The following HDAC9 variants were observed in gnomAD, a reference collection of about 807,000 sequenced individuals.
The protein encoded by HDAC9 is MEF-2 interacting transcription repressor (MITR) protein.
HDAC9 carries 41 observed loss-of-function variants against 139.4 expected under a neutral mutation model. The ratio of observed to expected loss-of-function variants is 0.29; its 90% CI spans 0.23 to 0.38. The LOEUF (loss-of-function observed/expected upper bound fraction) is 0.38, where lower values mean the gene tolerates loss of function less well. HDAC9 is among the 10% of genes least tolerant of loss of function. The probability of loss-of-function intolerance (pLI) is 1.00; values close to 1 mark genes in which losing one functional copy is unlikely to be tolerated. For synonymous variants in HDAC9, 517 were observed against 476.2 expected (o/e 1.09, Z -1.12); for missense variants, 1,147 against 1,297.0 (o/e 0.88, Z 1.78).
At chr7:18,144,272 G>C (rs78636754) in intron 1 of HDAC9, among the ~76,000 whole-genome samples, 1 of 152,158 alleles carries the variant, frequency 6.6e-6, no homozygotes, top group Non-Finnish European at 1.5e-5. Flanking sequence ...TCTTCCCACA[G>C]TTCATGGAAA....
chr7:18,946,036 C>CAAAAT (rs1563077235), intron 23 of HDAC9, among the ~76,000 whole-genome samples: 10 of 38,276 alleles, frequency 2.6e-4, no homozygotes, highest in South Asian at 1.9e-3. Context: ...GACTCCGTCT[C>CAAAAT]AAAAAAAAAA....
chr7:18,449,342 T>TA (rs1326743479), intron 1 of HDAC9, among the ~76,000 whole-genome samples: 1 of 152,156 alleles, frequency 6.6e-6, no homozygotes, highest in Non-Finnish European at 1.5e-5. Context: ...CTTACAAATA[T>TA]AATACTGAAA....
chr7:18,413,814 A>T (rs144675057), intron 1 of HDAC9, among the ~76,000 whole-genome samples: 45 of 152,136 alleles, frequency 3.0e-4, no homozygotes, highest in Non-Finnish European at 5.1e-4. Context: ...TTGCTGCCTA[A>T]AACTAAAGAT....
At chr7:18,947,572 A>T (rs1782492643) in intron 23 of HDAC9, among the ~76,000 whole-genome samples, 1 of 152,016 alleles carries the variant, frequency 6.6e-6, no homozygotes, top group African/African-American at 2.4e-5. Flanking sequence ...AGCAAATGTG[A>T]GTGGTTCTTT....
chr7:18,157,469 C>T (rs1041478222), intron 1 of HDAC9, among the ~76,000 whole-genome samples: 4 of 152,148 alleles, frequency 2.6e-5, no homozygotes, highest in African/African-American at 9.7e-5. Context: ...TTTATTTATA[C>T]ATTCCCTGGA....
intron 2 of HDAC9, among the ~76,000 whole-genome samples, chr7:18,239,503 C>T (rs896257407): frequency 2.0e-5 from 3 of 152,176 alleles, no homozygotes; most frequent in Admixed American, 6.5e-5. Context: ...TTTGTGAAAA[C>T]TTTGGGCTGC....
intron 1 of HDAC9, among the ~76,000 whole-genome samples, chr7:18,154,317 G>T (rs535656340): frequency 7.0e-4 from 106 of 152,092 alleles, no homozygotes; most frequent in African/African-American, 2.5e-3. Context: ...GAAAGAAAAA[G>T]AATGAAAAAA....
At position 18,719,331 on chromosome 7, in the gene HDAC9, C is replaced by CTTTTTTTTTTTTTT. The variant is rs757689693; in HGVS notation, c.1732-8236_1732-8223dup. On this transcript the variant is annotated intron_variant, in intron 12 of 25. Transcript: ENST00000686413. Reference sequence around the variant, plus strand: ...CTAATTAACCTATTTTTTTCTCTTCCTTTTTTTTTTTTTTTTTTTTTTTTT... The same window carrying CTTTTTTTTTTTTTT: ...CTAATTAACCTATTTTTTTCTCTTCCTTTTTTTTTTTTTTTTTTTTTTTTTTTTTTTTTTTTTTT... Among the ~76,000 whole-genome samples, 69 of 73,906 alleles carry CTTTTTTTTTTTTTT rather than the reference C, an allele frequency of 9.3e-4. 1 individual carries two copies. Among genetic ancestry groups the CTTTTTTTTTTTTTT allele is most frequent in the African/African-American group, 1.8e-3 (28 of 15,204 alleles). 48.5% of individuals were successfully genotyped at this position (73,906 alleles called of 152,430 possible). A position where few individuals can be genotyped will look rare whatever the true frequency, so the allele number is the denominator to read the frequency against.
intron 1 of HDAC9, among the ~76,000 whole-genome samples, chr7:18,445,400 A>G (rs939945580): frequency 6.6e-6 from 1 of 152,200 alleles, no homozygotes; most frequent in Non-Finnish European, 1.5e-5. Context: ...GTGTTAATCA[A>G]CTTGACATAT....
At chr7:18,188,526 G>T (rs1790086581) in intron 2 of HDAC9, among the ~76,000 whole-genome samples, 1 of 152,144 alleles carries the variant, frequency 6.6e-6, no homozygotes, top group Non-Finnish European at 1.5e-5. Flanking sequence ...AAGAGCTTCT[G>T]CACAGCAAAA....
chr7:18,130,606 A>G (rs1286515651), intron 1 of HDAC9, among the ~76,000 whole-genome samples: 2 of 152,168 alleles, frequency 1.3e-5, no homozygotes, highest in Non-Finnish European at 2.9e-5. Flanking sequence ...CATCACTACA[A>G]TCAATTTTAG....
At chr7:18,643,712 G>A (rs548896305) in intron 8 of HDAC9, among the ~76,000 whole-genome samples, 3 of 152,016 alleles carry the variant, frequency 2.0e-5, no homozygotes, top group Non-Finnish European at 4.4e-5. Context: ...GTCAAAGCCC[G>A]TGTGTGCAAT....
intron 2 of HDAC9, among the ~76,000 whole-genome samples, chr7:18,281,780 T>G (rs1000715546): frequency 6.6e-6 from 1 of 152,202 alleles, no homozygotes; most frequent in African/African-American, 2.4e-5. Flanking sequence ...AAAATAACAT[T>G]TCAAGGTTAG....
chr7:18,195,225 G>T (rs570516625), intron 2 of HDAC9, among the ~76,000 whole-genome samples: 1 of 151,932 alleles, frequency 6.6e-6, no homozygotes, highest in Non-Finnish European at 1.5e-5. Flanking sequence ...AAAACCTAAG[G>T]TTCCCATATT....
At chr7:18,239,956 T>TTG (rs1374617724) in intron 2 of HDAC9, among the ~76,000 whole-genome samples, 2 of 146,682 alleles carry the variant, frequency 1.4e-5, no homozygotes, top group African/African-American at 5.4e-5. Context: ...GCTGCATGTT[T>TTG]TTTTTTTTTT....
chr7:18,855,588 C>G (rs1797616631), intron 21 of HDAC9, among the ~76,000 whole-genome samples: 2 of 151,858 alleles, frequency 1.3e-5, no homozygotes, highest in Admixed American at 1.3e-4. Context: ...TTGAGCACTC[C>G]TTTTCAACTG....
chr7:18,314,480 G>A (rs1433501748), intron 1 of HDAC9, among the ~76,000 whole-genome samples: 1 of 152,202 alleles, frequency 6.6e-6, no homozygotes, highest in African/African-American at 2.4e-5. Flanking sequence ...TGGAAATGTG[G>A]CAGTAAATTG....
intron 1 of HDAC9, among the ~76,000 whole-genome samples, chr7:18,429,547 A>ATT (rs1419806399): frequency 6.8e-6 from 1 of 146,784 alleles, no homozygotes; most frequent in African/African-American, 2.6e-5. Context: ...GTGTGTGTGT[A>ATT]TTTGTGTGTG....
intron 2 of HDAC9, among the ~76,000 whole-genome samples, chr7:18,191,103 T>G (rs1454396968): frequency 6.6e-6 from 1 of 152,216 alleles, no homozygotes; most frequent in African/African-American, 2.4e-5. Flanking sequence ...CCCTGAGAAC[T>G]TAACCATTAA....
Sources: gnomAD v4.1 joint callset for allele counts (sites outside exome capture counted in the v4.1 genomes callset) on GRCh38, gnomAD v4.1.1 for gene constraint, MANE v1.5 for transcripts, NCBI Gene and HGNC (gene_info 2026-07-23, HGNC 2026-07-21) for gene names.